DMD: variants seen among roughly 807,000 people sequenced by gnomAD.
DMD encodes mutant dystrophin.
DMD carries 63 observed loss-of-function variants against 330.1 expected under a neutral mutation model. That is an observed-to-expected ratio of 0.19 (90% confidence interval 0.16 to 0.24). The LOEUF is 0.24. Ranked by LOEUF, DMD falls within the 10% of genes least tolerant of loss-of-function variation. The probability of loss-of-function intolerance (pLI) is 1.00; values close to 1 mark genes in which losing one functional copy is unlikely to be tolerated. For synonymous variants in DMD, 1,223 were observed against 959.8 expected, an observed-to-expected ratio of 1.27 and a Z score of -5.07; for missense variants, 3,344 against 2,684.1, an observed-to-expected ratio of 1.25 and a Z score of -5.43.
intron 1 of DMD, chrX:33,041,697 G>A: frequency 1.7e-6 from 2 of 1,208,121 alleles, no homozygotes; most frequent in Admixed American, 2.2e-5. Context: ...GTTTAGTACT[G>A]GATTCAGTGA....
intron 1 of DMD, among the ~76,000 whole-genome samples, chrX:33,282,651 T>C (rs907385792): frequency 1.7e-4 from 19 of 112,118 alleles, no homozygotes; most frequent in African/African-American, 4.9e-4. Context: ...CAGAGCATGG[T>C]AGTCCTAAAT....
chrX:32,552,078 C>CA (rs1222275072), intron 16 of DMD, among the ~76,000 whole-genome samples: 3 of 111,415 alleles, frequency 2.7e-5, no homozygotes, highest in African/African-American at 9.8e-5. Context: ...ATGCTATTCC[C>CA]AAAAAACTAC....
chrX:31,431,373 AATT>A (rs2064062080), intron 60 of DMD, among the ~76,000 whole-genome samples: 1 of 111,196 alleles, frequency 9.0e-6, no homozygotes, highest in African/African-American at 3.3e-5. Flanking sequence ...TGTTGGTAGA[AATT>A]ATTATTATGA....
intron 49 of DMD, among the ~76,000 whole-genome samples, chrX:31,830,328 C>G (rs758247640): frequency 2.5e-4 from 28 of 112,978 alleles, no homozygotes; most frequent in African/African-American, 9.0e-4. Flanking sequence ...GGTGCAGTGG[C>G]TCACGCCTGT....
chrX:32,191,446 A>T (rs1014588807), intron 44 of DMD, among the ~76,000 whole-genome samples: 2 of 112,130 alleles, frequency 1.8e-5, no homozygotes, highest in Non-Finnish European at 3.8e-5. Context: ...TATTCATTAC[A>T]TGAAGGAACA....
intron 1 of DMD, among the ~76,000 whole-genome samples, chrX:33,024,808 T>A (rs1236131746): frequency 8.9e-6 from 1 of 112,039 alleles, no homozygotes; most frequent in Non-Finnish European, 1.9e-5. Context: ...TTTGCAGGAC[T>A]TATTAGAATT....
intron 7 of DMD, among the ~76,000 whole-genome samples, chrX:32,750,962 T>A (rs76027123): frequency 2.7e-5 from 3 of 111,961 alleles, no homozygotes; most frequent in African/African-American, 9.7e-5. Flanking sequence ...CTGCCATCCA[T>A]GTAAGACGTG....
At chrX:31,600,817 CT>C (rs1379873929) in intron 55 of DMD, among the ~76,000 whole-genome samples, 1 of 88,616 alleles carries the variant, frequency 1.1e-5, no homozygotes, top group Non-Finnish European at 2.2e-5. Context: ...TTTTTTTTTT[CT>C]TTTTTTCTGG....
intron 29 of DMD, among the ~76,000 whole-genome samples, chrX:32,415,247 CCTAA>C (rs377634684): frequency 2.5e-3 from 281 of 111,858 alleles, no homozygotes; most frequent in African/African-American, 8.1e-3. Context: ...TTTTTAGAAA[CCTAA>C]CTTTTTCTAT....
chrX:31,957,632 C>T (rs931314480), intron 45 of DMD, among the ~76,000 whole-genome samples: 2 of 111,938 alleles, frequency 1.8e-5, no homozygotes, highest in Admixed American at 9.5e-5. Context: ...TTTTTAAAAA[C>T]ATTTATCATA....
At chrX:32,661,756 T>A (rs1184406804) in intron 9 of DMD, among the ~76,000 whole-genome samples, 1 of 111,363 alleles carries the variant, frequency 9.0e-6, no homozygotes, top group Non-Finnish European at 1.9e-5. Context: ...CATATAATTT[T>A]TGCATTCTAA....
chrX:32,711,744 T>C (rs1483624976), intron 7 of DMD, among the ~76,000 whole-genome samples: 1 of 111,883 alleles, frequency 8.9e-6, no homozygotes, highest in Non-Finnish European at 1.9e-5. Flanking sequence ...CCAGATGCTA[T>C]GTCATCCATA....
intron 44 of DMD, among the ~76,000 whole-genome samples, chrX:32,033,104 C>T (rs927674679): frequency 2.7e-5 from 3 of 112,155 alleles, no homozygotes; most frequent in Admixed American, 9.4e-5. Context: ...CTTAAGATTA[C>T]GCTAAGTGAA....
chrX:32,027,310 C>T (rs185303591), intron 44 of DMD, among the ~76,000 whole-genome samples: 34 of 110,531 alleles, frequency 3.1e-4, no homozygotes, highest in African/African-American at 1.1e-3. Context: ...TGTACCTCCC[C>T]TTCTGTTAAC....
chrX:32,405,689 G>A lies in DMD; in HGVS notation c.4233+6063C>T, dbSNP rs765337493. Among the ~76,000 whole-genome samples the A allele has an allele frequency of 2.7e-5, 3 of 111,552 alleles. No homozygotes were observed. In the East Asian group the frequency reaches 8.5e-4, roughly 32 times the overall value. ...ATACTTTGAAGTCAGGTAGCATGAT[G>A]ACTCCAGCTTTATTCTTTTGGCTTA... On this transcript the variant is annotated intron_variant, in intron 30 of 78. Coordinates refer to ENST00000357033, the MANE Select transcript of DMD (RefSeq NM_004006.3).
intron 52 of DMD, among the ~76,000 whole-genome samples, chrX:31,721,356 TA>T (rs201102242): frequency 0.049 from 5,364 of 110,167 alleles, 327 homozygotes; most frequent in Admixed American, 0.25. Flanking sequence ...AGACTTTGAG[TA>T]AAGCAGATTA....
Position 32,595,667 on chromosome X carries a change from A to C in DMD, c.1602+90T>G, listed in dbSNP as rs986731028. On this transcript the variant is annotated intron_variant, in intron 13 of 78. Transcript: ENST00000357033. ...CATATTGTATTCTAAGTATTTTAAT[A>C]TATAAATTGCATTCTAAATTTTTAA... is the stretch of plus-strand genomic sequence containing the variant. The C allele has an allele frequency of 1.1e-5, 10 of 885,804 alleles. No individual in the cohort carries two copies. The African/African-American group carries it at 1.2e-4, about 11-fold the overall frequency. 73.0% of individuals were successfully genotyped at this position (885,804 alleles called of 1,213,427 possible).
upstream of DMD, among the ~76,000 whole-genome samples, chrX:33,214,427 G>A (rs1005707345): frequency 7.2e-5 from 8 of 111,155 alleles, no homozygotes; most frequent in African/African-American, 2.6e-4. Context: ...TGTTTTTACC[G>A]CATTGATTCC....
intron 7 of DMD, among the ~76,000 whole-genome samples, chrX:32,774,902 C>T (rs1021018142): frequency 5.4e-5 from 6 of 112,039 alleles, no homozygotes; most frequent in East Asian, 2.8e-4. Context: ...TCCAAAGTTT[C>T]ATCTGAGACA....
Sources: allele counts gnomAD v4.1 joint callset (sites outside exome capture counted in the v4.1 genomes callset), GRCh38; gene constraint gnomAD v4.1.1; transcripts MANE v1.5; gene names NCBI Gene and HGNC (gene_info 2026-07-23, HGNC 2026-07-21).